KIF26A: variants seen among roughly 807,000 people sequenced by gnomAD.
KIF26A encodes kinesin-like protein KIF26A.
In KIF26A, 74 loss-of-function variants were observed where a neutral mutation model predicts 126.0. The ratio of observed to expected loss-of-function variants is 0.59; its 90% CI spans 0.49 to 0.71. The LOEUF is 0.71. KIF26A is among the 30% of genes least tolerant of loss of function. The pLI is 0.00. For missense variants in KIF26A, 2,984 were observed against 2,763.3 expected, an observed-to-expected ratio of 1.08 and a Z score of -1.79; for synonymous variants, 1,445 against 1,232.7, an observed-to-expected ratio of 1.17 and a Z score of -3.61.
intron 2 of KIF26A, among the ~76,000 whole-genome samples, chr14:104,143,682 T>A (rs116810772): frequency 3.2e-4 from 48 of 152,336 alleles, no homozygotes; most frequent in African/African-American, 1.1e-3. Context: ...TCGCCACTTG[T>A]GGTCAGAGCC....
intron 2 of KIF26A, among the ~76,000 whole-genome samples, chr14:104,143,806 C>T (rs2037657868): frequency 6.6e-6 from 1 of 152,250 alleles, no homozygotes; most frequent in African/African-American, 2.4e-5. Context: ...CCTCGGGGAT[C>T]CGCAGGGTGG....
rs1391924971 is a variant in KIF26A at position 104,178,759 on chromosome 14, G to A, written c.5316+4G>A. ...CCCGAGGGAGGCCCCCACCCAGGTA[G>A]GGCCTTTGGTGGGCTGGGGTCTATG... On this transcript the variant is annotated splice_donor_region_variant and intron_variant, in intron 13 of 14. Coordinates refer to ENST00000423312, the MANE Select transcript of KIF26A (RefSeq NM_015656.2). The A allele has an allele frequency of 6.7e-7, 1 of 1,493,700 alleles. No individual in the cohort carries two copies. The highest frequency in any genetic ancestry group is 9.0e-7 in the Non-Finnish European group (1 of 1,105,696). The allele number at this position is 1,493,700 out of a possible 1,614,324, so 92.5% of individuals were successfully genotyped here.
chr14:104,179,432 C>T, intron 14 of KIF26A, 46 bp downstream of exon 14: 5 of 1,457,570 alleles, frequency 3.4e-6, no homozygotes, highest in South Asian at 1.4e-5. Flanking sequence ...ACCGTGTGCC[C>T]TGACAGCTGC....
intron 2 of KIF26A, among the ~76,000 whole-genome samples, chr14:104,146,660 C>T (rs912761363): frequency 6.6e-6 from 1 of 152,180 alleles, no homozygotes; most frequent in African/African-American, 2.4e-5. Flanking sequence ...AAGCAAACTG[C>T]TGTGACCATG....
rs1405035070 is a variant in KIF26A at position 104,176,816 on chromosome 14, A to G, written c.4028A>G (p.Lys1343Arg). The G allele has an allele frequency of 1.9e-6, 3 of 1,558,890 alleles. No homozygotes were observed. The Admixed American group carries it at 5.7e-5, about 30-fold the overall frequency. ...SGSLKASPTS[K>R]KGLAPKAGFL... ...AGCCTGAAGGCCTCCCCCACCAGCA[A>G]GAAGGGTCTGGCTCCCAAGGCGGGC... Residue 1343 changes from lysine to arginine, a missense_variant, in exon 12 of 15, where the codon AAG (lysine) becomes AGG (arginine). Transcript: ENST00000423312.
rs906616678 is a variant in KIF26A at position 104,151,474 on chromosome 14, G to A, written c.289-541G>A. ...GTGAGCTCATGTGCCCTCTAGGAGC[G>A]TCTCCGAGGGAGGCCTTCGCTTCTG... On this transcript the variant is annotated intron_variant, in intron 2 of 14. Transcript: ENST00000423312. The surrounding 1 kb of genome is among the most constrained non-coding windows in gnomAD (Gnocchi z 4.9). Among the ~76,000 whole-genome samples the A allele has an allele frequency of 1.3e-5, 2 of 151,972 alleles. No homozygotes were observed. Among genetic ancestry groups the A allele is most frequent in the Non-Finnish European group, 1.5e-5 (1 of 68,024 alleles).
chr14:104,176,828 C>A lies in KIF26A; in HGVS notation c.4040C>A (p.Ala1347Asp). ...KASPTSKKGL[A>D]PKAGFLPRPS... ...TCCCCCACCAGCAAGAAGGGTCTGGCTCCCAAGGCGGGCTTCCTCCCGAGG... is the reference window on the plus strand; with the variant it reads ...TCCCCCACCAGCAAGAAGGGTCTGGATCCCAAGGCGGGCTTCCTCCCGAGG... The change falls in exon 12 of 15, where the codon GCT becomes GAT. Residue 1347 changes from alanine to aspartate, a missense_variant. Coordinates refer to ENST00000423312, the MANE Select transcript of KIF26A (RefSeq NM_015656.2). The A allele has an allele frequency of 6.4e-7, 1 of 1,551,592 alleles. No homozygotes were observed. Among genetic ancestry groups the A allele is most frequent in the Non-Finnish European group, 8.7e-7 (1 of 1,149,224 alleles).
rs1235389530 is a variant in KIF26A at position 104,166,697 on chromosome 14, T to G, written c.924-162T>G. On this transcript the variant is annotated intron_variant, in intron 4 of 14. Coordinates refer to ENST00000423312, the MANE Select transcript of KIF26A (RefSeq NM_015656.2). ...GGAGGCCCCAGCCTGAACCGTCCAC[T>G]GTAGAAATGAAGTGCAGGCCTCCCA... Among the ~76,000 whole-genome samples the G allele has an allele frequency of 5.9e-5, 9 of 152,244 alleles. No individual in the cohort carries two copies. The East Asian group carries it at 9.7e-4, about 16-fold the overall frequency.
At chr14:104,156,773 A>G (rs1212237864) in intron 3 of KIF26A, among the ~76,000 whole-genome samples, 1 of 152,126 alleles carries the variant, frequency 6.6e-6, no homozygotes, top group Non-Finnish European at 1.5e-5. Context: ...CACTTGGGAC[A>G]CCCTGAGGAC....
chr14:104,174,120 T>G, intron 10 of KIF26A, 28 bp from the exon 11 acceptor site: 2 of 1,525,866 alleles, frequency 1.3e-6, no homozygotes, highest in East Asian at 4.7e-5. Context: ...TCCCAAGGCC[T>G]TGGCATCTGA....
chr14:104,165,005 G>A (rs1293099165), intron 4 of KIF26A, among the ~76,000 whole-genome samples: 1 of 151,514 alleles, frequency 6.6e-6, no homozygotes, highest in Non-Finnish European at 1.5e-5. Flanking sequence ...ATGCGTGCAC[G>A]TGTCTCTGGG....
rs1351019185 is a variant in KIF26A at position 104,166,850 on chromosome 14, C to T, written c.924-9C>T. 3 of 1,551,418 alleles carry T rather than the reference C, an allele frequency of 1.9e-6. No individual in the cohort carries two copies. The African/African-American group carries it at 4.1e-5, about 21-fold the overall frequency. Reference sequence around the variant, plus strand: ...CACCACTGATCCTGCCTCTGCCTCTCCTCCCCAGGGCTATGCAGAAGCTCA... The same window carrying T: ...CACCACTGATCCTGCCTCTGCCTCTTCTCCCCAGGGCTATGCAGAAGCTCA... On this transcript the variant is annotated splice_polypyrimidine_tract_variant and intron_variant, in intron 4 of 14. Coordinates refer to ENST00000423312, the MANE Select transcript of KIF26A (RefSeq NM_015656.2).
Position 104,165,809 on chromosome 14 carries a change from C to CTGTGTGTTTCTGTGTGCATG in KIF26A, c.924-1033_924-1014dup, listed in dbSNP as rs1436202033. 9.7e-3 allele frequency among the ~76,000 whole-genome samples: 1,471 copies of CTGTGTGTTTCTGTGTGCATG among 151,094 alleles called. 13 individuals are homozygous for CTGTGTGTTTCTGTGTGCATG. The highest frequency in any genetic ancestry group is 0.015 in the Non-Finnish European group (993 of 67,662). On this transcript the variant is annotated intron_variant, in intron 4 of 14. Coordinates refer to ENST00000423312, the MANE Select transcript of KIF26A (RefSeq NM_015656.2). The stretch of plus-strand genomic sequence containing the variant: ...TGTGTCTCTGTGTGCATATGTGTGT[C>CTGTGTGTTTCTGTGTGCATG]TGTGTGTTTCTGTGTGCATGTGTGT...
At chr14:104,157,571 CCT>C (rs1260565744) in intron 3 of KIF26A, among the ~76,000 whole-genome samples, 182 bp from the exon 4 acceptor site, 2 of 152,184 alleles carry the variant, frequency 1.3e-5, no homozygotes, top group African/African-American at 4.8e-5. Context: ...TCCCCACTGG[CCT>C]CTCTGCCAGC....
intron 7 of KIF26A, 61 bp downstream of exon 7, chr14:104,172,729 C>G: frequency 7.5e-7 from 1 of 1,327,158 alleles, no homozygotes. Flanking sequence ...ATCCTCATCA[C>G]GGTGGTTGCT....
At position 104,139,193 on chromosome 14, in the gene KIF26A, G is replaced by C; in HGVS notation, c.193G>C (p.Gly65Arg). 1 of 1,547,400 alleles carries C rather than the reference G, an allele frequency of 6.5e-7. No homozygotes were observed. Among genetic ancestry groups the C allele is most frequent in the Non-Finnish European group, 8.7e-7 (1 of 1,146,868 alleles). ...CGGCCCAGAGCAGGGCCACTCGGCCGGCGGAGGCGGCTGGTGCCGCCACTG... is the reference window on the plus strand; with the variant it reads ...CGGCCCAGAGCAGGGCCACTCGGCCCGCGGAGGCGGCTGGTGCCGCCACTG... ...GAGPEQGHSA[G>R]GGGWCRHCHT... The change falls in exon 2 of 15, where the codon GGC becomes CGC. Residue 65 changes from glycine to arginine, a missense_variant. Gly to Arg is a moderately radical substitution (Grantham distance 125). Transcript: ENST00000423312.
At chr14:104,155,604 C>A (rs1004636112) in intron 3 of KIF26A, among the ~76,000 whole-genome samples, 2 of 152,102 alleles carry the variant, frequency 1.3e-5, no homozygotes, top group African/African-American at 4.8e-5. Flanking sequence ...CCGGCTCTCG[C>A]TTTGCCAGAC....
chr14:104,152,168 A>G lies in KIF26A; in HGVS notation c.442A>G (p.Ser148Gly). 1 of 1,609,936 alleles carries G rather than the reference A, an allele frequency of 6.2e-7. No individual in the cohort carries two copies. The highest frequency in any genetic ancestry group is 8.5e-7 in the Non-Finnish European group (1 of 1,179,070). Residue 148 changes from serine to glycine, a missense_variant, in exon 3 of 15, where the codon AGC becomes GGC. Ser to Gly is a moderately conservative substitution (Grantham distance 56). Coordinates refer to ENST00000423312, the MANE Select transcript of KIF26A (RefSeq NM_015656.2). This position sits in a 1 kb window ranked among gnomAD's most constrained non-coding sequence, Gnocchi z 5.9. ...CATGCACCTGCTGCAGGCCCCTGCC[A>G]GCCATGAGGACCTTGACGCCCCCCA... ...EAMHLLQAPASHEDLDAPHGG... is the reference protein window; with the variant it reads ...EAMHLLQAPAGHEDLDAPHGG...
rs996427048 is a variant in KIF26A at position 104,179,247 on chromosome 14, C to T, written c.5328C>T (p.Cys1776=). 2.2e-5 allele frequency: 33 copies of T among 1,503,612 alleles called. No individual in the cohort carries two copies. Among genetic ancestry groups the T allele is most frequent in the South Asian group, 3.8e-5 (3 of 78,448 alleles). 93.1% of individuals were successfully genotyped at this position (1,503,612 alleles called of 1,614,324 possible). ...GCCCTGCCTCCCAGGGTCTGGCGTG[C>T]GTCAGTACAAGGCTGCGGCTGGCGG... ...PREAPTQGLA[C]VSTRLRLAER... is the part of the protein sequence containing the mutation. Residue 1776 remains cysteine, a synonymous_variant, in exon 14 of 15, where the codon TGC becomes TGT. Transcript: ENST00000423312.
Sources: allele counts gnomAD v4.1 joint callset (sites outside exome capture counted in the v4.1 genomes callset), GRCh38; gene constraint gnomAD v4.1.1; non-coding constraint Gnocchi (gnomAD v3.1); transcripts MANE v1.5; gene names NCBI Gene and HGNC (gene_info 2026-07-23, HGNC 2026-07-21).